The following TEX15 variants were observed in gnomAD, a reference collection of about 807,000 sequenced individuals.
The protein encoded by TEX15 is testis-expressed protein 15.
In TEX15, 171 loss-of-function variants were observed where a neutral mutation model predicts 237.3. The observed-to-expected ratio is 0.72, with a 90% CI of 0.64 to 0.82. TEX15 has a LOEUF of 0.82. Among genes scored for constraint, TEX15 ranks in the 40% least tolerant of loss-of-function variants. TEX15 has a pLI of 0.00. For missense variants in TEX15, 3,750 were observed against 3,646.5 expected (o/e 1.03, Z -0.73); for synonymous variants, 1,338 against 1,269.8 (o/e 1.05, Z -1.14).
chr8:30,886,546 T>C (rs1253069185), intron 3 of TEX15, among the ~76,000 whole-genome samples: 1 of 152,106 alleles, frequency 6.6e-6, no homozygotes, highest in Non-Finnish European at 1.5e-5. Context: ...GGGAATGCAT[T>C]ATTGCTGTGT....
intron 7 of TEX15, among the ~76,000 whole-genome samples, chr8:30,855,722 T>C (rs1405441682): frequency 6.6e-6 from 1 of 152,180 alleles, no homozygotes; most frequent in Admixed American, 6.5e-5. Context: ...TACAATATGG[T>C]GTATCTATAC....
At position 30,832,656 on chromosome 8, in the gene TEX15, C is replaced by G. The variant is rs1807207739; in HGVS notation, c.*630G>C. 6.6e-6 allele frequency: 1 copy of G among 151,904 alleles called. No individual in the cohort carries two copies. The highest frequency in any genetic ancestry group is 1.5e-5 in the Non-Finnish European group (1 of 67,936). The allele number at this position is 151,904 out of a possible 1,614,324, so 9.4% of individuals were successfully genotyped here. A position where few individuals can be genotyped will look rare whatever the true frequency, so the allele number is the denominator to read the frequency against. On this transcript the variant is annotated 3_prime_UTR_variant, in exon 11 of 11. Coordinates refer to ENST00000643185, the MANE Select transcript of TEX15 (RefSeq NM_001350162.2). ...AAATAACTATTTAAATTGTGAAATC[C>G]AAAAACAAAATAATCTTCTGGAAAT...
intron 7 of TEX15, among the ~76,000 whole-genome samples, chr8:30,857,544 A>G (rs898464716): frequency 2.6e-5 from 4 of 152,202 alleles, no homozygotes; most frequent in African/African-American, 9.6e-5. Context: ...CCAATATGTA[A>G]AAGAATTCCT....
chr8:30,841,427 A>T (rs1182307954), intron 8 of TEX15, among the ~76,000 whole-genome samples: 5 of 152,238 alleles, frequency 3.3e-5, no homozygotes, highest in Non-Finnish European at 7.3e-5. Context: ...TTGAAGTAAG[A>T]TAATAGGAAA....
intron 3 of TEX15, among the ~76,000 whole-genome samples, chr8:30,876,880 A>G (rs1220920383): frequency 6.6e-6 from 1 of 152,092 alleles, no homozygotes; most frequent in Non-Finnish European, 1.5e-5. Context: ...GGGGGCAGTT[A>G]CCCCATGCTA....
intron 3 of TEX15, among the ~76,000 whole-genome samples, chr8:30,883,215 A>T (rs962168076): frequency 1.6e-4 from 24 of 152,052 alleles, no homozygotes; most frequent in Non-Finnish European, 3.5e-4. Flanking sequence ...GGCTTAAGCC[A>T]TCCTCCTGCT....
intron 1 of TEX15, among the ~76,000 whole-genome samples, chr8:30,912,344 T>TCATGGAGG (rs1739818449): frequency 5.8e-4 from 10 of 17,186 alleles, no homozygotes; most frequent in Admixed American, 1.1e-3. Flanking sequence ...TCCCGCCCCC[T>TCATGGAGG]CCCCGCCCCC....
intron 5 of TEX15, among the ~76,000 whole-genome samples, chr8:30,860,830 C>T (rs1808034975): frequency 1.3e-5 from 2 of 150,904 alleles, no homozygotes; most frequent in East Asian, 2.0e-4. Flanking sequence ...GGATTACAGG[C>T]GTGAGCCACC....
In TEX15 at chr8:30,856,427, G is replaced by A. The variant is rs539046128; in HGVS notation, c.850+2241C>T. On this transcript the variant is annotated intron_variant, in intron 7 of 10. Coordinates refer to ENST00000643185, the MANE Select transcript of TEX15 (RefSeq NM_001350162.2). ...CAAAATTAGCCAGGTGTGGTGGTGC[G>A]CACCTGTAGTCCCAGCAACTGAAGG... 8.5e-5 allele frequency among the ~76,000 whole-genome samples: 13 copies of A among 152,078 alleles called. No homozygotes were observed. The South Asian group carries it at 1.9e-3, about 22-fold the overall frequency.
rs550427418 is a variant in TEX15, at chr8:30,902,939, C to A, written c.-85-4122G>T. ...TTTCTCAAGGTGTTCATATTTATTGCACAGACTTTGTCTGTTGCCCCTCAG... is the reference window on the plus strand; with the variant it reads ...TTTCTCAAGGTGTTCATATTTATTGAACAGACTTTGTCTGTTGCCCCTCAG... On this transcript the variant is annotated intron_variant, in intron 1 of 10. Transcript: ENST00000643185. Among the ~76,000 whole-genome samples, 7 of 152,318 alleles carry A rather than the reference C, an allele frequency of 4.6e-5. No homozygotes were observed. In the South Asian group the frequency reaches 1.4e-3, roughly 32 times the overall value.
At position 30,837,212 on chromosome 8, in the gene TEX15, A is replaced by G. The variant is rs767323907; in HGVS notation, c.9072T>C (p.Cys3024=). The change falls in exon 10 of 11, where the codon TGT becomes TGC. Residue 3024 remains cysteine (C), a synonymous_variant. Coordinates refer to ENST00000643185, the MANE Select transcript of TEX15 (RefSeq NM_001350162.2). The part of the protein sequence containing the change: ...TYWNELPQSA[C]NPTYNSSEHL... ...GCTCAGAAGAATTATATGTTGGGTTACATGCAGACTGTGGAAGTTCATTCC... is the reference window on the plus strand; with the variant it reads ...GCTCAGAAGAATTATATGTTGGGTTGCATGCAGACTGTGGAAGTTCATTCC... The G allele has an allele frequency of 1.2e-6, 2 of 1,614,186 alleles. No homozygotes were observed. The highest frequency in any genetic ancestry group is 1.7e-6 in the Non-Finnish European group (2 of 1,180,036).
At chr8:30,905,817 T>C (rs1199947737) in intron 1 of TEX15, among the ~76,000 whole-genome samples, 1 of 150,124 alleles carries the variant, frequency 6.7e-6, no homozygotes, top group Non-Finnish European at 1.5e-5. Context: ...GGTGGGAGGA[T>C]TGCTTGAGCT....
chr8:30,909,738 C>T (rs1809180590), intron 1 of TEX15, among the ~76,000 whole-genome samples: 1 of 151,984 alleles, frequency 6.6e-6, no homozygotes, highest in African/African-American at 2.4e-5. Context: ...GAGTAAATCA[C>T]CACAGAACAT....
intron 8 of TEX15, among the ~76,000 whole-genome samples, chr8:30,840,951 T>C (rs1049600932): frequency 1.8e-4 from 28 of 152,208 alleles, no homozygotes; most frequent in African/African-American, 6.8e-4. Flanking sequence ...AGAGTCTTAC[T>C]CTGTCCTCCC....
chr8:30,877,873 T>C (rs1808432924), intron 3 of TEX15, among the ~76,000 whole-genome samples: 1 of 152,160 alleles, frequency 6.6e-6, no homozygotes, highest in Middle Eastern at 3.2e-3. Flanking sequence ...CACACGTAGA[T>C]TTGTGTAACA....
chr8:30,879,941 A>G (rs934147761), intron 3 of TEX15, among the ~76,000 whole-genome samples: 1 of 125,810 alleles, frequency 7.9e-6, no homozygotes, highest in African/African-American at 3.7e-5. Context: ...TTTTTTTTAA[A>G]AAAAAAAATC....
Position 30,843,368 on chromosome 8 carries a change from G to C in TEX15, c.6799C>G (p.Leu2267Val), listed in dbSNP as rs1227769864. 19 of 1,612,630 alleles carry C rather than the reference G, an allele frequency of 1.2e-5. No homozygotes were observed. Among genetic ancestry groups the C allele is most frequent in the Non-Finnish European group, 1.6e-5 (19 of 1,179,630 alleles). Residue 2267 changes from leucine (L) to valine (V), a missense_variant, in exon 8 of 11, where the codon CTG (leucine) becomes GTG (valine). Transcript: ENST00000643185. ...GCAGCATCAAAAAAGATATGTTCCA[G>C]ACCATAAAGAGATATTTTAACACGT... is the stretch of plus-strand genomic sequence containing the variant. ...AVRVKISLYG[L>V]EHIFFDAAKN...
intron 3 of TEX15, among the ~76,000 whole-genome samples, chr8:30,886,678 CG>C (rs1808652802): frequency 6.6e-6 from 1 of 152,114 alleles, no homozygotes; most frequent in South Asian, 2.1e-4. Flanking sequence ...CAGTGGGAAA[CG>C]GGAGGGGTAT....
intron 1 of TEX15, among the ~76,000 whole-genome samples, chr8:30,907,554 ATT>A (rs1491118525): frequency 9.1e-6 from 1 of 109,474 alleles, no homozygotes; most frequent in African/African-American, 4.6e-5. Flanking sequence ...TATATACAAA[ATT>A]TATATATAAT....
Sources: gnomAD v4.1 joint callset for allele counts (sites outside exome capture counted in the v4.1 genomes callset) on GRCh38, gnomAD v4.1.1 for gene constraint, MANE v1.5 for transcripts, NCBI Gene and HGNC (gene_info 2026-07-23, HGNC 2026-07-21) for gene names.